The following ZNF365 variants were observed in gnomAD, a reference collection of about 807,000 sequenced individuals.
ZNF365 encodes zinc finger protein 365.
In ZNF365, 22 loss-of-function variants were observed where a neutral mutation model predicts 35.0. That is an observed-to-expected ratio of 0.63 (90% CI 0.45 to 0.90). ZNF365 has a LOEUF of 0.90. ZNF365 is among the 40% of genes least tolerant of loss of function. The pLI is 0.00. For synonymous variants in ZNF365, 188 were observed against 196.2 expected, an observed-to-expected ratio of 0.96 and a Z score of 0.35; for missense variants, 448 against 500.3, an observed-to-expected ratio of 0.90 and a Z score of 1.00.
chr10:62,478,583 T>C (rs2393885), intron 4 of ZNF365, among the ~76,000 whole-genome samples: 58,572 of 152,114 alleles, frequency 0.39, 11,423 homozygotes, highest in African/African-American at 0.42. Flanking sequence ...GTTTGTTGTT[T>C]GTTTTTTTGA....
intron 4 of ZNF365, among the ~76,000 whole-genome samples, chr10:62,469,429 T>TA (rs1840997423): frequency 6.6e-6 from 1 of 152,140 alleles, no homozygotes; most frequent in Non-Finnish European, 1.5e-5. Flanking sequence ...GTTAGTAATG[T>TA]AAAAAAAGAC....
intron 2 of ZNF365, among the ~76,000 whole-genome samples, chr10:62,378,048 T>C (rs1310858011): frequency 1.3e-5 from 2 of 152,256 alleles, no homozygotes; most frequent in African/African-American, 4.8e-5. Context: ...AGACATTTTT[T>C]GTTCAGGCGA....
chr10:62,441,046 T>C (rs1206956602), intron 3 of ZNF365, among the ~76,000 whole-genome samples: 1 of 152,234 alleles, frequency 6.6e-6, no homozygotes, highest in African/African-American at 2.4e-5. Context: ...CACTTACTCA[T>C]AATTGATGAT....
At chr10:62,398,242 G>A (rs1418920426) in intron 3 of ZNF365, among the ~76,000 whole-genome samples, 1 of 152,184 alleles carries the variant, frequency 6.6e-6, no homozygotes, top group African/African-American at 2.4e-5. Flanking sequence ...TGTGGTATAT[G>A]TGAACCATGG....
intron 3 of ZNF365, 39 bp from the exon 4 acceptor site, chr10:62,398,701 A>G (rs1839771647): frequency 6.3e-7 from 1 of 1,595,438 alleles, no homozygotes; most frequent in African/African-American, 1.3e-5. Context: ...TCCAGTCCTC[A>G]AATGCAGTTA....
At chr10:62,435,600 T>A (rs111235749) in intron 3 of ZNF365, among the ~76,000 whole-genome samples, 1 of 152,296 alleles carries the variant, frequency 6.6e-6, no homozygotes, top group East Asian at 1.9e-4. Flanking sequence ...ACAAAGACTA[T>A]GGAAAAATGG....
chr10:62,449,552 T>C (rs1258322868), intron 3 of ZNF365, among the ~76,000 whole-genome samples: 1 of 152,220 alleles, frequency 6.6e-6, no homozygotes, highest in South Asian at 2.1e-4. Flanking sequence ...TTATTATGAG[T>C]GTATTTTTCT....
intron 4 of ZNF365, among the ~76,000 whole-genome samples, chr10:62,477,540 T>C (rs942325651): frequency 6.6e-6 from 1 of 152,218 alleles, no homozygotes; most frequent in Non-Finnish European, 1.5e-5. Flanking sequence ...TGGTGAATAA[T>C]CTTTACATTA....
At chr10:62,407,806 T>C (rs1308297247) in intron 3 of ZNF365, among the ~76,000 whole-genome samples, 1 of 152,200 alleles carries the variant, frequency 6.6e-6, no homozygotes, top group Non-Finnish European at 1.5e-5. Context: ...GAATCCATGG[T>C]AGACATTGCT....
chr10:62,444,326 A>G (rs1840548994), intron 3 of ZNF365, among the ~76,000 whole-genome samples: 1 of 152,060 alleles, frequency 6.6e-6, no homozygotes, highest in Non-Finnish European at 1.5e-5. Flanking sequence ...GAGACAGGAG[A>G]GTGGGAAGAG....
At chr10:62,414,556 C>T (rs556458365) in intron 3 of ZNF365, among the ~76,000 whole-genome samples, 1 of 152,216 alleles carries the variant, frequency 6.6e-6, no homozygotes, top group African/African-American at 2.4e-5. Flanking sequence ...CTGAAATACT[C>T]TGCCAATTGT....
At position 62,401,588 on chromosome 10, in the gene ZNF365, GTTATAA is replaced by G. The variant is rs1839830381; in HGVS notation, c.*1804_*1809del. On this transcript the variant is annotated 3_prime_UTR_variant, in exon 5 of 5. Transcript: ENST00000395254. ...AGGCTAACATTGTAAAAATTGTAAT[GTTATAA>G]TTATTATTTATTTGGAGAATTAACT... 1 of 984,002 alleles carries G rather than the reference GTTATAA, an allele frequency of 1.0e-6. No homozygotes were observed. Among genetic ancestry groups the G allele is most frequent in the Non-Finnish European group, 1.2e-6 (1 of 828,728 alleles). The allele number at this position is 984,002 out of a possible 1,614,324, so 61.0% of individuals were successfully genotyped here. A position where few individuals can be genotyped will look rare whatever the true frequency, so the allele number is the denominator to read the frequency against.
intron 4 of ZNF365, among the ~76,000 whole-genome samples, chr10:62,462,495 T>C (rs1840863703): frequency 1.3e-5 from 2 of 152,194 alleles, no homozygotes; most frequent in East Asian, 3.8e-4. Context: ...CTCCTAGAGA[T>C]CCCTGGCATC....
chr10:62,476,225 G>A (rs1456882013), intron 4 of ZNF365, among the ~76,000 whole-genome samples: 1 of 152,064 alleles, frequency 6.6e-6, no homozygotes, highest in Non-Finnish European at 1.5e-5. Flanking sequence ...TTTTATGCAA[G>A]TATCTCTAGG....
chr10:62,395,767 G>T (rs1393165043), intron 3 of ZNF365, among the ~76,000 whole-genome samples: 1 of 152,082 alleles, frequency 6.6e-6, no homozygotes, highest in Non-Finnish European at 1.5e-5. Context: ...CTGGATTAGG[G>T]TTGCTGAACT....
At chr10:62,434,810 C>T (rs1840383029) in intron 3 of ZNF365, among the ~76,000 whole-genome samples, 2 of 152,194 alleles carry the variant, frequency 1.3e-5, no homozygotes, top group African/African-American at 4.8e-5. Context: ...TAACAAGGGA[C>T]ATTAGAATAA....
chr10:62,428,371 G>T (rs1006537454), intron 3 of ZNF365, among the ~76,000 whole-genome samples: 1 of 152,024 alleles, frequency 6.6e-6, no homozygotes, highest in Non-Finnish European at 1.5e-5. Context: ...GAATCATGGG[G>T]GTCATTTCCC....
At chr10:62,447,279 C>A (rs760589834) in intron 3 of ZNF365, among the ~76,000 whole-genome samples, 9 of 152,136 alleles carry the variant, frequency 5.9e-5, no homozygotes, top group Non-Finnish European at 1.2e-4. Context: ...TACAAGCTAA[C>A]CTAATCTACT....
At chr10:62,404,601 A>G (rs1230886242), downstream of ZNF365, among the ~76,000 whole-genome samples, 1 of 152,112 alleles carries the variant, frequency 6.6e-6, no homozygotes, top group African/African-American at 2.4e-5. Context: ...GAGTTATTTG[A>G]GAGGTGACCT....
Sources: allele counts gnomAD v4.1 joint callset (sites outside exome capture counted in the v4.1 genomes callset), GRCh38; gene constraint gnomAD v4.1.1; transcripts MANE v1.5; gene names NCBI Gene and HGNC (gene_info 2026-07-23, HGNC 2026-07-21).